STRA6: variants seen among roughly 807,000 people sequenced by gnomAD.
STRA6 encodes the protein signaling receptor and transporter of retinol STRA6.
In STRA6, 48 loss-of-function variants were observed where a neutral mutation model predicts 83.6. That is an observed-to-expected ratio of 0.57 (90% CI 0.46 to 0.73). The LOEUF (loss-of-function observed/expected upper bound fraction) is 0.73. Among genes scored for constraint, STRA6 ranks in the 30% least tolerant of loss-of-function variants. STRA6 has a pLI of 0.00. For missense variants in STRA6, 760 were observed against 838.8 expected (o/e 0.91, Z 1.16); for synonymous variants, 353 against 362.3 (o/e 0.97, Z 0.29).
Position 74,191,023 on chromosome 15 carries a change from G to T in STRA6, c.866-122C>A, listed in dbSNP as rs561861378. 7 of 1,570,354 alleles carry T rather than the reference G, an allele frequency of 4.5e-6. No homozygotes were observed. The African/African-American group carries it at 9.5e-5, about 21-fold the overall frequency. On this transcript the variant is annotated intron_variant, in intron 10 of 18. Coordinates refer to ENST00000395105, the MANE Select transcript of STRA6 (RefSeq NM_022369.4). Reference sequence around the variant, plus strand: ...CCTAAATGACCAAGGCCAGGCCAGGGTCTTCCCGCTGTCCCAAGCTGGTAG... The same window carrying T: ...CCTAAATGACCAAGGCCAGGCCAGGTTCTTCCCGCTGTCCCAAGCTGGTAG...
intron 3 of STRA6, 80 bp downstream of exon 3, chr15:74,197,672 C>T: frequency 2.6e-6 from 4 of 1,563,726 alleles, no homozygotes; most frequent in South Asian, 2.3e-5. Context: ...CCCCCTTCAC[C>T]AGCCCCAGTG....
upstream of STRA6, among the ~76,000 whole-genome samples, chr15:74,205,347 C>T (rs1238525735): frequency 1.3e-5 from 2 of 152,198 alleles, no homozygotes; most frequent in African/African-American, 4.8e-5. Context: ...GCACCAGCAT[C>T]AGCTTCTGGG....
intron 16 of STRA6, 54 bp downstream of exon 16, chr15:74,182,107 C>T: frequency 6.8e-7 from 1 of 1,462,144 alleles, no homozygotes; most frequent in Non-Finnish European, 9.6e-7. Flanking sequence ...AAGAGAGAGA[C>T]ACCGAAGAAG....
intron 8 of STRA6, 27 bp downstream of exon 8, chr15:74,193,773 G>C: frequency 6.2e-7 from 1 of 1,612,366 alleles, no homozygotes; most frequent in South Asian, 1.1e-5. Flanking sequence ...TGCTGAGGAA[G>C]AGCTCATCCC....
At chr15:74,209,120 C>G, upstream of STRA6, 1 of 1,319,016 alleles carries the variant, frequency 7.6e-7, no homozygotes, top group Non-Finnish European at 9.7e-7. Context: ...ATTCCGGGAT[C>G]AGAGGAACCC....
chr15:74,192,912 G>A (rs542246470), intron 8 of STRA6, among the ~76,000 whole-genome samples: 3 of 152,264 alleles, frequency 2.0e-5, no homozygotes, highest in East Asian at 3.9e-4. Context: ...GTTTTGTGCC[G>A]CATCTGTCTC....
intron 1 of STRA6, 134 bp from the exon 2 acceptor site, chr15:74,202,416 AC>A (rs1438501492): frequency 3.3e-6 from 5 of 1,538,348 alleles, no homozygotes; most frequent in Non-Finnish European, 4.4e-6. Flanking sequence ...TTACTTTCTT[AC>A]TTTTAGCTCT....
At chr15:74,195,900 A>G in intron 5 of STRA6, 108 bp downstream of exon 5, 1 of 1,489,222 alleles carries the variant, frequency 6.7e-7, no homozygotes, top group Admixed American at 1.9e-5. Flanking sequence ...CATCTCATTG[A>G]CAGCTGTTCC....
chr15:74,203,605 C>T (rs185179348), upstream of STRA6, among the ~76,000 whole-genome samples: 1 of 152,360 alleles, frequency 6.6e-6, no homozygotes, highest in East Asian at 1.9e-4. Flanking sequence ...TTTAAGAAGA[C>T]ATTATTCATT....
At chr15:74,207,825 G>A (rs1453805103) in intron 1 of STRA6, 9 of 1,534,706 alleles carry the variant, frequency 5.9e-6, no homozygotes, top group African/African-American at 4.1e-5. Flanking sequence ...ACTGCCCTTC[G>A]CACACATACG....
chr15:74,188,989 AC>A lies in STRA6; in HGVS notation c.1090+125del. On this transcript the variant is annotated intron_variant, in intron 12 of 18. Coordinates refer to ENST00000395105, the MANE Select transcript of STRA6 (RefSeq NM_022369.4). This position sits in a 1 kb window ranked among gnomAD's most constrained non-coding sequence, Gnocchi z 4.5. ...ACAATTTGGAGATGAGGCAATCGAG[AC>A]CCAGAGAGAGGAAGGAATGTGTCCA... is the stretch of plus-strand genomic sequence containing the variant. 1 of 1,184,958 alleles carries A rather than the reference AC, an allele frequency of 8.4e-7. No individual in the cohort carries two copies. Among genetic ancestry groups the A allele is most frequent in the South Asian group, 1.4e-5 (1 of 73,416 alleles). The allele number at this position is 1,184,958 out of a possible 1,614,324, so 73.4% of individuals were successfully genotyped here.
intron 14 of STRA6, chr15:74,182,835 C>T: frequency 3.4e-6 from 1 of 296,624 alleles, no homozygotes. Flanking sequence ...AAGCCAGAGC[C>T]TGGCATACGG....
At chr15:74,204,407 C>A (rs73432342), upstream of STRA6, among the ~76,000 whole-genome samples, 4,844 of 152,318 alleles carry the variant, frequency 0.032, 249 homozygotes, top group African/African-American at 0.11. Flanking sequence ...CCTATACAGG[C>A]GGCTGCTGTG....
At chr15:74,209,312 G>C (rs1216673744), upstream of STRA6, 16 of 1,474,042 alleles carry the variant, frequency 1.1e-5, no homozygotes, top group Non-Finnish European at 1.5e-5. Flanking sequence ...TGATGGCTGA[G>C]TTTCCCCAGA....
At chr15:74,207,569 T>C (rs1189403997), upstream of STRA6, 2 of 904,666 alleles carry the variant, frequency 2.2e-6, no homozygotes, top group South Asian at 1.6e-5. Context: ...AGCCCTTGAC[T>C]CTGAGTCCAG....
chr15:74,209,495 TAAGGGGA>T (rs2074336081), upstream of STRA6: 1 of 1,494,644 alleles, frequency 6.7e-7, no homozygotes, highest in African/African-American at 1.4e-5. Context: ...TGACCACAGC[TAAGGGGA>T]GTCATCACAG....
At chr15:74,206,844 C>A (rs2074271751), upstream of STRA6, among the ~76,000 whole-genome samples, 1 of 152,238 alleles carries the variant, frequency 6.6e-6, no homozygotes, top group African/African-American at 2.4e-5. Flanking sequence ...CTGTGACCAG[C>A]ATGAACCCAC....
intron 4 of STRA6, 148 bp downstream of exon 4, chr15:74,197,190 G>C: frequency 1.6e-6 from 1 of 633,710 alleles, no homozygotes; most frequent in Non-Finnish European, 2.8e-6. Context: ...AGACCTAGGT[G>C]GGGGTGAGGA....
At chr15:74,191,613 G>T (rs775162525) in intron 8 of STRA6, 122 bp from the exon 9 acceptor site, 6 of 851,536 alleles carry the variant, frequency 7.0e-6, no homozygotes, top group Non-Finnish European at 1.2e-5. Flanking sequence ...TGGCCATGGC[G>T]GTGGTGGTGA....
Sources: gnomAD v4.1 joint callset for allele counts (sites outside exome capture counted in the v4.1 genomes callset) on GRCh38, gnomAD v4.1.1 for gene constraint, Gnocchi (gnomAD v3.1) non-coding constraint, MANE v1.5 for transcripts, NCBI Gene and HGNC (gene_info 2026-07-23, HGNC 2026-07-21) for gene names.